The following PPM1H variants were observed in gnomAD, a reference collection of about 807,000 sequenced individuals.
The protein encoded by PPM1H is protein phosphatase, Mg2+/Mn2+ dependent 1H.
PPM1H carries 27 observed loss-of-function variants against 54.9 expected under a neutral mutation model. The ratio of observed to expected loss-of-function variants is 0.49; its 90% CI spans 0.36 to 0.68. PPM1H has a LOEUF of 0.68. Ranked by LOEUF, PPM1H falls within the 30% of genes least tolerant of loss-of-function variation. PPM1H has a pLI of 0.00. For synonymous variants in PPM1H, 305 were observed against 270.8 expected, an observed-to-expected ratio of 1.13 and a Z score of -1.24; for missense variants, 596 against 667.8, an observed-to-expected ratio of 0.89 and a Z score of 1.19.
At chr12:62,861,435 A>C (rs778149117) in intron 1 of PPM1H, among the ~76,000 whole-genome samples, 6 of 152,232 alleles carry the variant, frequency 3.9e-5, no homozygotes, top group Non-Finnish European at 8.8e-5. Context: ...AGCTGACAAC[A>C]GATGATTAGC....
intron 2 of PPM1H, among the ~76,000 whole-genome samples, chr12:62,807,878 C>T (rs2076814102): frequency 6.6e-6 from 1 of 152,206 alleles, no homozygotes; most frequent in Admixed American, 6.5e-5. Flanking sequence ...TGCTCTGTCA[C>T]CCAGGCTGGA....
At chr12:62,850,861 C>T (rs1869158222) in intron 1 of PPM1H, 1 of 151,844 alleles carries the variant, frequency 6.6e-6, no homozygotes, top group Non-Finnish European at 1.5e-5. Flanking sequence ...CCTGGGAAAA[C>T]CACCTTCGTG....
intron 8 of PPM1H, among the ~76,000 whole-genome samples, chr12:62,688,529 T>C (rs2076066259): frequency 6.6e-6 from 1 of 152,190 alleles, no homozygotes; most frequent in Admixed American, 6.5e-5. Flanking sequence ...CTAAATGATA[T>C]ATCCAGAAAG....
intron 5 of PPM1H, among the ~76,000 whole-genome samples, chr12:62,734,038 G>A (rs1272291066): frequency 6.6e-6 from 1 of 152,028 alleles, no homozygotes; most frequent in Non-Finnish European, 1.5e-5. Context: ...CCTTTGGGAA[G>A]TGATTAGGTC....
intron 2 of PPM1H, among the ~76,000 whole-genome samples, chr12:62,810,519 C>T (rs2076829100): frequency 6.6e-6 from 1 of 152,236 alleles, no homozygotes; most frequent in African/African-American, 2.4e-5. Context: ...ACCCCTCATA[C>T]TGTTGGCAAA....
chr12:62,750,142 C>A (rs946086951), intron 4 of PPM1H, among the ~76,000 whole-genome samples: 1 of 151,856 alleles, frequency 6.6e-6, no homozygotes, highest in Non-Finnish European at 1.5e-5. Flanking sequence ...TAAAATATAC[C>A]CTCTTAAAGT....
chr12:62,680,972 T>C (rs342164), intron 8 of PPM1H, among the ~76,000 whole-genome samples: 90,230 of 151,888 alleles, frequency 0.59, 29,229 homozygotes, highest in African/African-American at 0.87. Flanking sequence ...TGCTCCTGTC[T>C]TCCAGCAGGT....
chr12:62,795,758 G>A (rs150902840), intron 3 of PPM1H, among the ~76,000 whole-genome samples: 217 of 152,132 alleles, frequency 1.4e-3, no homozygotes, highest in Middle Eastern at 0.01. Flanking sequence ...ACAGAGTCTC[G>A]CTCCGTTGCC....
At chr12:62,707,178 C>G (rs2076179871) in intron 6 of PPM1H, among the ~76,000 whole-genome samples, 1 of 152,156 alleles carries the variant, frequency 6.6e-6, no homozygotes, top group African/African-American at 2.4e-5. Flanking sequence ...GCATGGTCTC[C>G]TGACCTATCC....
intron 1 of PPM1H, among the ~76,000 whole-genome samples, chr12:62,846,951 G>C (rs1163224906): frequency 2.0e-5 from 3 of 152,120 alleles, no homozygotes; most frequent in Non-Finnish European, 4.4e-5. Flanking sequence ...TAAATGTAAA[G>C]TGCATATACC....
At chr12:62,700,123 G>C (rs1186372135) in intron 6 of PPM1H, among the ~76,000 whole-genome samples, 2 of 151,678 alleles carry the variant, frequency 1.3e-5, no homozygotes, top group South Asian at 2.1e-4. Flanking sequence ...CTTCAGCCTA[G>C]GTTCAGATTG....
Position 62,645,294 on chromosome 12 carries a change from G to C in PPM1H, c.*3195C>G, listed in dbSNP as rs2075778787. The C allele has an allele frequency of 6.6e-6, 1 of 152,166 alleles. No individual in the cohort carries two copies. The highest frequency in any genetic ancestry group is 1.5e-5 in the Non-Finnish European group (1 of 68,044). 9.4% of individuals were successfully genotyped at this position (152,166 alleles called of 1,614,324 possible). ...CTGAGAACACAGTAAGAGGAGGGTG[G>C]TCACAGCTGACTTCACAAAGCCTCA... On this transcript the variant is annotated 3_prime_UTR_variant, in exon 10 of 10. Coordinates refer to ENST00000228705, the MANE Select transcript of PPM1H (RefSeq NM_020700.2).
chr12:62,744,358 C>T (rs2076398807), intron 4 of PPM1H, among the ~76,000 whole-genome samples: 1 of 151,140 alleles, frequency 6.6e-6, no homozygotes, highest in Non-Finnish European at 1.5e-5. Flanking sequence ...ATAATCCCAG[C>T]TACTTGGGAG....
chr12:62,868,931 A>G (rs560635611), intron 1 of PPM1H, among the ~76,000 whole-genome samples: 1 of 152,358 alleles, frequency 6.6e-6, no homozygotes, highest in East Asian at 1.9e-4. Flanking sequence ...AGCCAAAACT[A>G]GAAGAACCTG....
chr12:62,771,935 A>G (rs1014359002), intron 4 of PPM1H, among the ~76,000 whole-genome samples: 1 of 152,186 alleles, frequency 6.6e-6, no homozygotes, highest in African/African-American at 2.4e-5. Context: ...TCTGAGTTGA[A>G]TTAATTCATT....
intron 1 of PPM1H, among the ~76,000 whole-genome samples, chr12:62,866,482 G>C (rs994325687): frequency 1.3e-5 from 2 of 152,150 alleles, no homozygotes; most frequent in African/African-American, 2.4e-5. Flanking sequence ...AGACATCAAG[G>C]CTTCCTCTTT....
chr12:62,873,923 C>G (rs936361140), intron 1 of PPM1H, among the ~76,000 whole-genome samples: 2 of 152,096 alleles, frequency 1.3e-5, no homozygotes, highest in African/African-American at 4.8e-5. Flanking sequence ...GAGGAGGTTA[C>G]ATTTAAGCTT....
At chr12:62,741,163 A>T (rs182738824) in intron 4 of PPM1H, among the ~76,000 whole-genome samples, 2 of 152,252 alleles carry the variant, frequency 1.3e-5, no homozygotes, top group Admixed American at 1.3e-4. Flanking sequence ...CTCGTCCCAG[A>T]AGACAGGCAG....
intron 4 of PPM1H, among the ~76,000 whole-genome samples, chr12:62,764,899 T>C (rs1415418088): frequency 6.6e-6 from 1 of 152,204 alleles, no homozygotes; most frequent in Non-Finnish European, 1.5e-5. Context: ...TGGTGGCGGA[T>C]GCTCGGCCTG....
Sources: gnomAD v4.1 joint callset for allele counts (sites outside exome capture counted in the v4.1 genomes callset) on GRCh38, gnomAD v4.1.1 for gene constraint, MANE v1.5 for transcripts, NCBI Gene and HGNC (gene_info 2026-07-23, HGNC 2026-07-21) for gene names.